FANCL: variants seen among roughly 807,000 people sequenced by gnomAD.
The protein encoded by FANCL is E3 ubiquitin-protein ligase FANCL.
FANCL carries 69 observed loss-of-function variants against 59.4 expected under a neutral mutation model. The ratio of observed to expected loss-of-function variants is 1.16; its 90% CI spans 0.96 to 1.42. The LOEUF is 1.42. Among genes scored for constraint, FANCL ranks in the 40% most tolerant of loss-of-function variants. The pLI is 0.00. For missense variants in FANCL, 519 were observed against 447.2 expected (o/e 1.16, Z -1.45); for synonymous variants, 180 against 147.1 (o/e 1.22, Z -1.62).
At chr2:58,202,376 C>CT (rs1002732977) in intron 6 of FANCL, among the ~76,000 whole-genome samples, 2 of 149,156 alleles carry the variant, frequency 1.3e-5, no homozygotes, top group South Asian at 2.1e-4. Context: ...CTAGAACTAA[C>CT]TTTTTTTTCC....
intron 7 of FANCL, among the ~76,000 whole-genome samples, chr2:58,191,783 G>A (rs921369430): frequency 4.1e-5 from 6 of 144,780 alleles, no homozygotes; most frequent in Admixed American, 3.4e-4. Flanking sequence ...ACTATATTAA[G>A]AGTTCACCAG....
chr2:58,207,609 T>A lies in FANCL; in HGVS notation c.375-3383A>T, dbSNP rs923923321. On this transcript the variant is annotated intron_variant, in intron 5 of 13. Transcript: ENST00000233741. ...TACTGAGGATTTACATTTCTCTTTGTTAATAGTGGCCTAGCCTATGATATA... is the reference window on the plus strand; with the variant it reads ...TACTGAGGATTTACATTTCTCTTTGATAATAGTGGCCTAGCCTATGATATA... Among the ~76,000 whole-genome samples, 35 of 152,222 alleles carry A rather than the reference T, an allele frequency of 2.3e-4. 1 individual carries two copies. The highest frequency in any genetic ancestry group is 1.9e-3 in the Admixed American group (29 of 15,280).
intron 5 of FANCL, among the ~76,000 whole-genome samples, chr2:58,207,253 G>GAT (rs1690681060): frequency 6.6e-6 from 1 of 152,092 alleles, no homozygotes; most frequent in South Asian, 2.1e-4. Flanking sequence ...ATGAGGACAG[G>GAT]AACAACACTC....
intron 7 of FANCL, among the ~76,000 whole-genome samples, chr2:58,169,461 A>G (rs1308197468): frequency 6.6e-6 from 1 of 152,222 alleles, no homozygotes. Context: ...ACTCGCACAA[A>G]AAGGAGGAAA....
intron 2 of FANCL, among the ~76,000 whole-genome samples, chr2:58,230,838 GT>G (rs1218752974): frequency 1.3e-5 from 2 of 152,204 alleles, no homozygotes; most frequent in African/African-American, 2.4e-5. Context: ...TGTTCTGCTA[GT>G]TTTTTTCTCC....
chr2:58,187,332 G>A (rs921758907), intron 7 of FANCL, among the ~76,000 whole-genome samples: 7 of 148,116 alleles, frequency 4.7e-5, no homozygotes, highest in Admixed American at 6.8e-5. Flanking sequence ...ACCAAACACC[G>A]CATGTTCTCA....
intron 7 of FANCL, among the ~76,000 whole-genome samples, chr2:58,174,908 G>A (rs1178024552): frequency 6.6e-6 from 1 of 151,898 alleles, no homozygotes; most frequent in Non-Finnish European, 1.5e-5. Flanking sequence ...TAATAAAGAA[G>A]AGAGAAGAAT....
At chr2:58,177,911 G>A (rs766136636) in intron 7 of FANCL, among the ~76,000 whole-genome samples, 6 of 151,386 alleles carry the variant, frequency 4.0e-5, no homozygotes, top group Non-Finnish European at 7.4e-5. Flanking sequence ...AGGGGATATC[G>A]CCACTGATCC....
Position 58,232,131 on chromosome 2 carries a change from A to C in FANCL, c.97-19T>G. The stretch of plus-strand genomic sequence containing the variant: ...CTCTTCCCTGTGGAAAATATTGAAA[A>C]GGATCACTCAAATTTTTATCTTTCA... On this transcript the variant is annotated intron_variant, in intron 1 of 13. Coordinates refer to ENST00000233741, the MANE Select transcript of FANCL (RefSeq NM_018062.4). 6.2e-7 allele frequency: 1 copy of C among 1,605,846 alleles called. No individual in the cohort carries two copies. Among genetic ancestry groups the C allele is most frequent in the Non-Finnish European group, 8.5e-7 (1 of 1,172,964 alleles).
chr2:58,240,110 TAAAAA>T (rs79031739), intron 1 of FANCL, among the ~76,000 whole-genome samples: 1,386 of 130,670 alleles, frequency 0.011, 7 homozygotes, highest in Non-Finnish European at 0.016. Flanking sequence ...ATGCTTCCTG[TAAAAA>T]AAAAAAAAAA....
chr2:58,227,799 A>G (rs1693176359), intron 3 of FANCL, among the ~76,000 whole-genome samples: 2 of 152,154 alleles, frequency 1.3e-5, no homozygotes, highest in African/African-American at 4.8e-5. Flanking sequence ...AGCCCTCACC[A>G]GGGACCCATC....
At chr2:58,189,633 A>C (rs917854452) in intron 7 of FANCL, among the ~76,000 whole-genome samples, 2 of 152,176 alleles carry the variant, frequency 1.3e-5, no homozygotes, top group Admixed American at 6.6e-5. Context: ...GAACACTGCC[A>C]ATCTCAGAAT....
intron 5 of FANCL, among the ~76,000 whole-genome samples, chr2:58,217,143 ATTTATATATATATTTATATATT>A (rs775079349): frequency 9.9e-6 from 1 of 100,932 alleles, no homozygotes; most frequent in Non-Finnish European, 2.1e-5. Flanking sequence ...TTATATATAG[ATTTATATATATATTTATATATT>A]TTATATATAT....
At chr2:58,175,619 T>A (rs918031040) in intron 7 of FANCL, among the ~76,000 whole-genome samples, 1 of 152,146 alleles carries the variant, frequency 6.6e-6, no homozygotes, top group Non-Finnish European at 1.5e-5. Context: ...AAATTAGGTA[T>A]TGATGGGACG....
intron 4 of FANCL, among the ~76,000 whole-genome samples, chr2:58,224,507 A>G (rs1692788677): frequency 6.6e-6 from 1 of 151,878 alleles, no homozygotes; most frequent in African/African-American, 2.4e-5. Context: ...AATCTCACAC[A>G]TTTAATCAAA....
rs377436957 is a variant in FANCL, at chr2:58,159,394, T to C, written c.*371A>G. ...GAAATATCAAGAGTCTCAAGAACCT[T>C]TGAATGAAGTAAACAGTTTCCCACA... is the stretch of plus-strand genomic sequence containing the variant. On this transcript the variant is annotated 3_prime_UTR_variant, in exon 14 of 14. Transcript: ENST00000233741. 5.5e-5 allele frequency: 89 copies of C among 1,613,036 alleles called. No individual in the cohort carries two copies. The highest frequency in any genetic ancestry group is 8.0e-5 in the African/African-American group (6 of 74,822).
chr2:58,198,545 T>C (rs897179603), intron 7 of FANCL, 49 bp downstream of exon 7: 3 of 1,518,274 alleles, frequency 2.0e-6, no homozygotes, highest in East Asian at 4.5e-5. Flanking sequence ...ACAACTGTAC[T>C]TTTTAATTAC....
rs372240390 is a variant in FANCL, at chr2:58,189,225, G to C, written c.540+9369C>G. On this transcript the variant is annotated intron_variant, in intron 7 of 13. Coordinates refer to ENST00000233741, the MANE Select transcript of FANCL (RefSeq NM_018062.4). ...TAGATATTTGTCAAAACTCAGCAAA[G>C]TGTACACCTTAAATACATTCAGTTT... Among the ~76,000 whole-genome samples, 5 of 151,854 alleles carry C rather than the reference G, an allele frequency of 3.3e-5. 1 individual carries two copies. Among genetic ancestry groups the C allele is most frequent in the African/African-American group, 1.2e-4 (5 of 41,406 alleles).
chr2:58,159,885 T>C (rs1684843984), intron 13 of FANCL, 85 bp from the exon 14 acceptor site: 1 of 1,585,750 alleles, frequency 6.3e-7, no homozygotes, highest in Non-Finnish European at 8.6e-7. Context: ...TGTCATAGAA[T>C]AGTGTCATAG....
Sources: gnomAD v4.1 joint callset for allele counts (sites outside exome capture counted in the v4.1 genomes callset) on GRCh38, gnomAD v4.1.1 for gene constraint, MANE v1.5 for transcripts, NCBI Gene and HGNC (gene_info 2026-07-23, HGNC 2026-07-21) for gene names.